Variants in LMO7 observed in about 807,000 individuals in gnomAD.
The protein encoded by LMO7 is LIM domain only protein 7.
LMO7 carries 120 observed loss-of-function variants against 206.5 expected under a neutral mutation model. That is an observed-to-expected ratio of 0.58 (90% CI 0.50 to 0.68). The LOEUF (loss-of-function observed/expected upper bound fraction) is 0.68. Ranked by LOEUF, LMO7 falls within the 30% of genes least tolerant of loss-of-function variation. The probability of loss-of-function intolerance (pLI) is 0.00; values close to 1 mark genes in which losing one functional copy is unlikely to be tolerated. For synonymous variants in LMO7, 706 were observed against 681.5 expected, an observed-to-expected ratio of 1.04 and a Z score of -0.56; for missense variants, 1,959 against 1,957.9, an observed-to-expected ratio of 1.00 and a Z score of -0.01.
chr13:75,722,569 A>G (rs2044114563), intron 2 of LMO7, among the ~76,000 whole-genome samples: 1 of 152,172 alleles, frequency 6.6e-6, no homozygotes, highest in South Asian at 2.1e-4. Context: ...GGATGCAGTG[A>G]AAAGGGAACA....
intron 1 of LMO7, among the ~76,000 whole-genome samples, chr13:75,647,660 CAG>C (rs1312154873): frequency 1.3e-5 from 2 of 151,738 alleles, no homozygotes; most frequent in African/African-American, 2.4e-5. Flanking sequence ...TAATTGGAGA[CAG>C]AGAAGCAGAA....
chr13:75,709,023 C>T (rs2042873126), intron 1 of LMO7, among the ~76,000 whole-genome samples: 1 of 152,060 alleles, frequency 6.6e-6, no homozygotes, highest in Admixed American at 6.5e-5. Context: ...GTTCAGTTCC[C>T]ACCTATGAGT....
chr13:75,737,143 T>G (rs1049579023), intron 3 of LMO7, among the ~76,000 whole-genome samples: 6 of 152,264 alleles, frequency 3.9e-5, no homozygotes, highest in Middle Eastern at 3.4e-3. Flanking sequence ...CCCCTAATCT[T>G]AATATGACTG....
chr13:75,781,800 A>G (rs1306756780), intron 4 of LMO7, among the ~76,000 whole-genome samples: 1 of 151,892 alleles, frequency 6.6e-6, no homozygotes, highest in African/African-American at 2.4e-5. Context: ...TAGTTTCCTG[A>G]CTTTTTATGA....
At position 75,795,421 on chromosome 13, in the gene LMO7, G is replaced by A. The variant is rs1047056181; in HGVS notation, c.338G>A (p.Arg113Lys). 6 of 1,590,688 alleles carry A rather than the reference G, an allele frequency of 3.8e-6. No individual in the cohort carries two copies. In the Middle Eastern group the frequency reaches 8.3e-4, roughly 220 times the overall value. ...VTVKQEETDR[R>K]VKNVLITLYW... ...TACAGGCAAGAAGAGACTGACAGGA[G>A]AGTGAAAAATGTAAGATACATTTAC... The change falls in exon 5 of 31, where the codon AGA becomes AAA. Residue 113 changes from arginine (R) to lysine (K), a missense_variant. By Grantham distance (26) the Arg-to-Lys change is conservative. Coordinates refer to ENST00000377534, the MANE Select transcript of LMO7 (RefSeq NM_001306080.2).
chr13:75,713,113 C>A (rs1594454281), intron 1 of LMO7, 69 bp from the exon 2 acceptor site: 2 of 1,047,074 alleles, frequency 1.9e-6, no homozygotes, highest in Non-Finnish European at 1.5e-6. Flanking sequence ...ATTAATTAAT[C>A]TAATACTGAA....
intron 1 of LMO7, among the ~76,000 whole-genome samples, chr13:75,692,386 T>C (rs111992173): frequency 6.5e-4 from 99 of 151,168 alleles, no homozygotes; most frequent in African/African-American, 2.3e-3. Context: ...CTTAAATATG[T>C]TTCTTTTCCT....
intron 3 of LMO7, among the ~76,000 whole-genome samples, chr13:75,737,033 G>T (rs2045882434): frequency 1.3e-5 from 2 of 152,128 alleles, no homozygotes; most frequent in African/African-American, 2.4e-5. Flanking sequence ...ATATATTGAA[G>T]TCCTAAGCCC....
rs896756013 is a variant in LMO7 at position 75,727,463 on chromosome 13, T to C, written c.210+365T>C. On this transcript the variant is annotated intron_variant, in intron 3 of 30. Transcript: ENST00000377534. Reference sequence around the variant, plus strand: ...TAGAAAATTTCAACATCAAAATATATACAAAGTACGAATACCTTCTACCTC... The same window carrying C: ...TAGAAAATTTCAACATCAAAATATACACAAAGTACGAATACCTTCTACCTC... 4.0e-4 allele frequency among the ~76,000 whole-genome samples: 61 copies of C among 152,022 alleles called. 1 individual carries two copies. The highest frequency in any genetic ancestry group is 1.5e-3 in the African/African-American group (61 of 41,420).
chr13:75,802,330 A>G (rs562034807), intron 7 of LMO7, among the ~76,000 whole-genome samples: 1 of 152,358 alleles, frequency 6.6e-6, no homozygotes, highest in Admixed American at 6.5e-5. Context: ...CATAGCCCAG[A>G]TGACGATTCC....
chr13:75,751,968 A>G (rs1376258452), intron 3 of LMO7, among the ~76,000 whole-genome samples: 1 of 152,142 alleles, frequency 6.6e-6, no homozygotes, highest in East Asian at 1.9e-4. Flanking sequence ...GACTTTGGGT[A>G]GGGTAAGAGC....
At position 75,858,466 on chromosome 13, in the gene LMO7, T is replaced by G. The variant is rs2139834363; in HGVS notation, c.*523T>G. On this transcript the variant is annotated 3_prime_UTR_variant, in exon 31 of 31. Coordinates refer to ENST00000377534, the MANE Select transcript of LMO7 (RefSeq NM_001306080.2). ...TCCTTCCTTCTACCTATTATTCTGA[T>G]TTTTAAAAATGCAGTTAATGTACCA... The G allele has an allele frequency of 6.5e-6, 1 of 152,704 alleles. No individual in the cohort carries two copies. The highest frequency in any genetic ancestry group is 3.4e-3 in the Middle Eastern group (1 of 294). 9.5% of individuals were successfully genotyped at this position (152,704 alleles called of 1,614,324 possible).
chr13:75,719,687 C>T lies in LMO7; in HGVS notation c.140+6435C>T, dbSNP rs539029249. 1.4e-4 allele frequency among the ~76,000 whole-genome samples: 22 copies of T among 152,272 alleles called. 1 individual carries two copies. The highest frequency in any genetic ancestry group is 1.5e-4 in the Non-Finnish European group (10 of 68,026). On this transcript the variant is annotated intron_variant, in intron 2 of 30. Transcript: ENST00000377534. Reference sequence around the variant, plus strand: ...ACGATTGTAAATTTCCTGAGGCCTCCCAGTCATGCCTCCTGTTAAGCCTGT... The same window carrying T: ...ACGATTGTAAATTTCCTGAGGCCTCTCAGTCATGCCTCCTGTTAAGCCTGT...
intron 1 of LMO7, among the ~76,000 whole-genome samples, chr13:75,693,919 C>CT (rs1442458425): frequency 6.6e-6 from 1 of 152,104 alleles, no homozygotes; most frequent in Non-Finnish European, 1.5e-5. Flanking sequence ...GATTTGTGCT[C>CT]TTTAGTCTCT....
intron 30 of LMO7, chr13:75,857,210 TTGTG>T (rs2061032706): frequency 6.6e-6 from 1 of 152,326 alleles, no homozygotes; most frequent in African/African-American, 2.4e-5. Flanking sequence ...AAGCATGTGT[TTGTG>T]TGTTATAAAA....
chr13:75,829,017 G>C (rs1244084867), intron 15 of LMO7, among the ~76,000 whole-genome samples: 1 of 152,072 alleles, frequency 6.6e-6, no homozygotes, highest in Non-Finnish European at 1.5e-5. Context: ...ACCAAAATAT[G>C]AAAAACAAGA....
intron 4 of LMO7, among the ~76,000 whole-genome samples, chr13:75,794,624 A>C (rs935279477): frequency 2.0e-5 from 3 of 152,170 alleles, no homozygotes; most frequent in African/African-American, 4.8e-5. Context: ...AAGTCTCTGA[A>C]TTCACACCGA....
At chr13:75,686,242 T>G (rs1169188697) in intron 1 of LMO7, among the ~76,000 whole-genome samples, 1 of 152,126 alleles carries the variant, frequency 6.6e-6, no homozygotes, top group Non-Finnish European at 1.5e-5. Flanking sequence ...GACTCACAGT[T>G]CCACGTGGCT....
In LMO7 at chr13:75,813,796, C is replaced by G. The variant is rs187193783; in HGVS notation, c.1947-3365C>G. 3.9e-5 allele frequency among the ~76,000 whole-genome samples: 6 copies of G among 152,328 alleles called. No homozygotes were observed. In the East Asian group the frequency reaches 1.2e-3, roughly 29 times the overall value. Reference sequence around the variant, plus strand: ...TAGGAGGATTAGGGCCAAAGGAGAGCACCCCTGGGAGATGCTGGGCTTTCT... The same window carrying G: ...TAGGAGGATTAGGGCCAAAGGAGAGGACCCCTGGGAGATGCTGGGCTTTCT... On this transcript the variant is annotated intron_variant, in intron 11 of 30. Transcript: ENST00000377534.
Sources: allele counts gnomAD v4.1 joint callset (sites outside exome capture counted in the v4.1 genomes callset), GRCh38; gene constraint gnomAD v4.1.1; transcripts MANE v1.5; gene names NCBI Gene and HGNC (gene_info 2026-07-23, HGNC 2026-07-21).